The following WDR72 variants were observed in gnomAD, a reference collection of about 807,000 sequenced individuals.
WDR72 encodes WD repeat-containing protein 72.
In WDR72, 120 loss-of-function variants were observed where a neutral mutation model predicts 124.2. That is an observed-to-expected ratio of 0.97 (90% CI 0.83 to 1.12). WDR72 has a LOEUF of 1.12. WDR72 is among the 50% of genes most tolerant of loss of function. WDR72 has a pLI of 0.00. For missense variants in WDR72, 1,387 were observed against 1,278.8 expected (o/e 1.08, Z -1.29); for synonymous variants, 452 against 441.7 (o/e 1.02, Z -0.29).
intron 14 of WDR72, among the ~76,000 whole-genome samples, chr15:53,628,505 T>C (rs2014297133): frequency 6.6e-6 from 1 of 152,158 alleles, no homozygotes; most frequent in South Asian, 2.1e-4. Flanking sequence ...TAGTGTGATT[T>C]CTTGATGCGG....
At chr15:53,636,734 T>C (rs1021809543) in intron 14 of WDR72, among the ~76,000 whole-genome samples, 3 of 152,148 alleles carry the variant, frequency 2.0e-5, no homozygotes, top group Non-Finnish European at 4.4e-5. Flanking sequence ...GGTTCCAAGA[T>C]AGGAGGCTAT....
intron 1 of WDR72, among the ~76,000 whole-genome samples, chr15:53,735,950 A>C (rs1448093125): frequency 6.6e-6 from 1 of 152,102 alleles, no homozygotes; most frequent in Admixed American, 6.6e-5. Context: ...AAAATATAAC[A>C]AATCTCAAAA....
chr15:53,578,269 G>A (rs139194787), intron 18 of WDR72, among the ~76,000 whole-genome samples: 6 of 152,174 alleles, frequency 3.9e-5, no homozygotes, highest in Non-Finnish European at 7.4e-5. Flanking sequence ...GGTGGTCAGT[G>A]GTGTGACAGA....
At position 53,705,253 on chromosome 15, in the gene WDR72, A is replaced by G; in HGVS notation, c.1103-20T>C. 1 of 1,610,174 alleles carries G rather than the reference A, an allele frequency of 6.2e-7. No homozygotes were observed. The highest frequency in any genetic ancestry group is 8.5e-7 in the Non-Finnish European group (1 of 1,179,866). On this transcript the variant is annotated intron_variant, in intron 10 of 19. Coordinates refer to ENST00000360509, the MANE Select transcript of WDR72 (RefSeq NM_182758.4). ...GTATCTCTAAAAAGAAAACAGACAT[A>G]AAAAGAAAATTTGGTTTATCAGTAC...
chr15:53,605,277 G>C (rs2013229252), intron 17 of WDR72, among the ~76,000 whole-genome samples: 1 of 152,250 alleles, frequency 6.6e-6, no homozygotes, highest in Non-Finnish European at 1.5e-5. Flanking sequence ...CTTATAAGTG[G>C]GAGCTAAATG....
intron 1 of WDR72, among the ~76,000 whole-genome samples, chr15:53,744,447 T>C (rs1210344785): frequency 6.6e-6 from 1 of 152,164 alleles, no homozygotes; most frequent in Non-Finnish European, 1.5e-5. Flanking sequence ...TGTTGCGCAC[T>C]CACAGGATGA....
intron 14 of WDR72, among the ~76,000 whole-genome samples, chr15:53,626,823 A>G (rs1327066617): frequency 6.6e-6 from 1 of 152,192 alleles, no homozygotes; most frequent in Non-Finnish European, 1.5e-5. Flanking sequence ...AGGGATTCTT[A>G]GTTGGCCTAG....
chr15:53,621,814 A>G (rs1179713891), intron 14 of WDR72, among the ~76,000 whole-genome samples: 1 of 152,054 alleles, frequency 6.6e-6, no homozygotes, highest in Non-Finnish European at 1.5e-5. Flanking sequence ...AAAAAAAGAA[A>G]CTATCATCAG....
chr15:53,720,588 T>C (rs370521526), intron 3 of WDR72, among the ~76,000 whole-genome samples: 5 of 152,210 alleles, frequency 3.3e-5, no homozygotes, highest in East Asian at 1.9e-4. Context: ...TTCAAAAGTG[T>C]TTTTGTTGGA....
intron 1 of WDR72, among the ~76,000 whole-genome samples, chr15:53,754,249 C>A (rs1029592505): frequency 6.6e-6 from 1 of 151,962 alleles, no homozygotes; most frequent in Non-Finnish European, 1.5e-5. Flanking sequence ...GAACTTAATA[C>A]AAAAACACTA....
Position 53,516,687 on chromosome 15 carries a change from A to AGC in WDR72, c.*1011_*1012insGC, listed in dbSNP as rs1209600805. Reference sequence around the variant, plus strand: ...CATAGATAGATAGATATAGCTATATATCACATATTTAATACTTTATATCCT... The same window carrying AGC: ...CATAGATAGATAGATATAGCTATATAGCTCACATATTTAATACTTTATATCCT... On this transcript the variant is annotated 3_prime_UTR_variant, in exon 20 of 20. Coordinates refer to ENST00000360509, the MANE Select transcript of WDR72 (RefSeq NM_182758.4). 6 of 152,082 alleles carry AGC rather than the reference A, an allele frequency of 3.9e-5. No individual in the cohort carries two copies. Among genetic ancestry groups the AGC allele is most frequent in the Non-Finnish European group, 7.4e-5 (5 of 67,984 alleles). 9.4% of individuals were successfully genotyped at this position (152,082 alleles called of 1,614,324 possible).
rs181092375 is a variant in WDR72, at chr15:53,757,863, C to T, written c.-13+1770G>A. ...TATTTCACAAGTCAAATGCACTCTT[C>T]CATTCCAGTAGGCATGTATAAACTA... On this transcript the variant is annotated intron_variant, in intron 1 of 19. Coordinates refer to ENST00000360509, the MANE Select transcript of WDR72 (RefSeq NM_182758.4). Among the ~76,000 whole-genome samples the T allele has an allele frequency of 1.6e-3, 241 of 152,204 alleles. 2 individuals carry two copies. The highest frequency in any genetic ancestry group is 5.7e-3 in the African/African-American group (235 of 41,516).
intron 14 of WDR72, among the ~76,000 whole-genome samples, chr15:53,644,539 G>A (rs1401546716): frequency 6.6e-6 from 1 of 151,912 alleles, no homozygotes; most frequent in African/African-American, 2.4e-5. Context: ...TAAGCATATA[G>A]GTGTATACTA....
chr15:53,648,646 C>T (rs2015127025), intron 14 of WDR72, among the ~76,000 whole-genome samples: 1 of 151,958 alleles, frequency 6.6e-6, no homozygotes, highest in South Asian at 2.1e-4. Context: ...AATAACCAAC[C>T]ACAAACACTT....
chr15:53,518,498 A>G (rs1891590523), intron 19 of WDR72, among the ~76,000 whole-genome samples: 1 of 151,922 alleles, frequency 6.6e-6, no homozygotes, highest in African/African-American at 2.4e-5. Flanking sequence ...TTTTGGGTAA[A>G]TTTTAAGAAT....
chr15:53,678,575 T>C (rs1474453216), intron 13 of WDR72, among the ~76,000 whole-genome samples: 1 of 152,234 alleles, frequency 6.6e-6, no homozygotes, highest in Non-Finnish European at 1.5e-5. Flanking sequence ...CAGATGCATA[T>C]ACTTTATCTC....
intron 13 of WDR72, among the ~76,000 whole-genome samples, chr15:53,670,417 C>T (rs976074697): frequency 1.5e-4 from 23 of 152,180 alleles, no homozygotes; most frequent in African/African-American, 4.6e-4. Context: ...GTACACACTG[C>T]TTTCCCTGTC....
At chr15:53,752,322 C>A (rs2018794925) in intron 1 of WDR72, among the ~76,000 whole-genome samples, 2 of 152,116 alleles carry the variant, frequency 1.3e-5, no homozygotes, top group Non-Finnish European at 2.9e-5. Context: ...TGGACATGGG[C>A]TCATTGTGGC....
chr15:53,686,538 C>G (rs1210044874), intron 13 of WDR72, among the ~76,000 whole-genome samples: 1 of 151,960 alleles, frequency 6.6e-6, no homozygotes, highest in Non-Finnish European at 1.5e-5. Context: ...GCACTCAACA[C>G]AAGAGCACCC....
Sources: allele counts gnomAD v4.1 joint callset (sites outside exome capture counted in the v4.1 genomes callset), GRCh38; gene constraint gnomAD v4.1.1; transcripts MANE v1.5; gene names NCBI Gene and HGNC (gene_info 2026-07-23, HGNC 2026-07-21).